IGSF5: variants seen among roughly 807,000 people sequenced by gnomAD.
IGSF5 encodes immunoglobulin superfamily member 5.
IGSF5 carries 41 observed loss-of-function variants against 39.4 expected under a neutral mutation model. That is an observed-to-expected ratio of 1.04 (90% CI 0.81 to 1.35). IGSF5 has a LOEUF of 1.35. Ranked by LOEUF, IGSF5 falls within the 40% of genes most tolerant of loss-of-function variation. The pLI is 0.00. For synonymous variants in IGSF5, 183 were observed against 175.3 expected, an observed-to-expected ratio of 1.04 and a Z score of -0.34; for missense variants, 487 against 494.6, an observed-to-expected ratio of 0.98 and a Z score of 0.15.
chr21:39,712,273 G>C, the IGSF5 span, among the ~76,000 whole-genome samples: 10 of 152,186 alleles, frequency 6.6e-5, no homozygotes, highest in Non-Finnish European at 1.0e-4. Context: ...GGATGTGATA[G>C]GACTGGTGAA....
At chr21:39,718,973 C>T in the IGSF5 span, among the ~76,000 whole-genome samples, 2 of 152,130 alleles carry the variant, frequency 1.3e-5, no homozygotes, top group African/African-American at 4.8e-5. Context: ...GAATTCATCA[C>T]ATCCTGGGCT....
chr21:39,799,642 G>A lies in IGSF5; in HGVS notation c.1129-1620G>A, dbSNP rs568633658. Among the ~76,000 whole-genome samples, 8 of 151,968 alleles carry A rather than the reference G, an allele frequency of 5.3e-5. No individual in the cohort carries two copies. The South Asian group carries it at 1.3e-3, about 24-fold the overall frequency. ...TTGTACCTCGTGTCCCTGCTCCACC[G>A]GCCTTGCTGCAAAGCACAGAGAAGA... On this transcript the variant is annotated intron_variant, in intron 8 of 8. Transcript: ENST00000380588.
chr21:39,714,395 A>G, the IGSF5 span, among the ~76,000 whole-genome samples: 11 of 152,248 alleles, frequency 7.2e-5, no homozygotes, highest in African/African-American at 2.7e-4. Context: ...GAAGGCAAAC[A>G]TAAGTTTTTG....
the IGSF5 span, among the ~76,000 whole-genome samples, chr21:39,739,250 TGC>T: frequency 6.7e-6 from 1 of 149,344 alleles, no homozygotes; most frequent in African/African-American, 2.5e-5. Flanking sequence ...TTTTTTCTTC[TGC>T]TTTTTTTTTT....
chr21:39,791,120 T>C (rs1360651397), intron 6 of IGSF5, among the ~76,000 whole-genome samples: 4 of 152,166 alleles, frequency 2.6e-5, no homozygotes, highest in Admixed American at 2.6e-4. Context: ...AGGTAGCGTA[T>C]CTTCAGCTTT....
At chr21:39,758,492 G>A (rs2146275648) in intron 2 of IGSF5, among the ~76,000 whole-genome samples, 1 of 152,258 alleles carries the variant, frequency 6.6e-6, no homozygotes, top group Non-Finnish European at 1.5e-5. Flanking sequence ...ACCTGACTCA[G>A]AAATCACCTC....
chr21:39,793,164 T>G (rs1359913168), intron 7 of IGSF5, among the ~76,000 whole-genome samples: 1 of 152,194 alleles, frequency 6.6e-6, no homozygotes, highest in East Asian at 1.9e-4. Context: ...CATTAGTATT[T>G]TGAGCAATTG....
chr21:39,750,510 G>A (rs392232), intron 2 of IGSF5, among the ~76,000 whole-genome samples: 114,180 of 138,322 alleles, frequency 0.83, 46,694 homozygotes, highest in Admixed American at 0.86. Context: ...ACTGTCTCCA[G>A]AAAAAAAAAA....
chr21:39,760,662 A>C (rs2080056955), intron 2 of IGSF5, among the ~76,000 whole-genome samples: 1 of 151,908 alleles, frequency 6.6e-6, no homozygotes, highest in Admixed American at 6.6e-5. Context: ...CCTCCGCCTC[A>C]CATGTTAAAG....
chr21:39,742,476 G>A (rs918394316), upstream of IGSF5, among the ~76,000 whole-genome samples: 1 of 152,236 alleles, frequency 6.6e-6, no homozygotes. Flanking sequence ...CTGGGGCTCT[G>A]TGAGGGTGAT....
chr21:39,731,768 G>A, the IGSF5 span, among the ~76,000 whole-genome samples: 1 of 152,106 alleles, frequency 6.6e-6, no homozygotes, highest in African/African-American at 2.4e-5. Flanking sequence ...CCTTGATGTT[G>A]GCCTTATGAG....
the IGSF5 span, among the ~76,000 whole-genome samples, chr21:39,720,116 G>T: frequency 9.9e-3 from 1,509 of 152,266 alleles, 15 homozygotes; most frequent in Non-Finnish European, 0.017. Flanking sequence ...CCACAGACCT[G>T]AGGTGAGGGA....
chr21:39,793,137 G>A lies in IGSF5; in HGVS notation c.1049-397G>A, dbSNP rs560523747. Among the ~76,000 whole-genome samples the A allele has an allele frequency of 2.6e-4, 39 of 152,234 alleles. 1 individual carries two copies. The highest frequency in any genetic ancestry group is 8.9e-4 in the African/African-American group (37 of 41,548). On this transcript the variant is annotated intron_variant, in intron 7 of 8. Transcript: ENST00000380588. ...TGACCACAGCTTCTTGCAGGTTCCT[G>A]TGAGTGAATATTTATTCATTAGTAT...
At chr21:39,750,508 CAGAA>C (rs748889550) in intron 2 of IGSF5, among the ~76,000 whole-genome samples, 2 of 123,730 alleles carry the variant, frequency 1.6e-5, no homozygotes, top group Admixed American at 8.4e-5. Context: ...ACACTGTCTC[CAGAA>C]AAAAAAAAAA....
intron 3 of IGSF5, among the ~76,000 whole-genome samples, chr21:39,769,654 CTA>C (rs1464706979): frequency 6.6e-6 from 1 of 151,958 alleles, no homozygotes; most frequent in Non-Finnish European, 1.5e-5. Flanking sequence ...GAAGAGACAG[CTA>C]TGAGAATCCA....
At chr21:39,796,530 C>G (rs536327016) in intron 8 of IGSF5, among the ~76,000 whole-genome samples, 2 of 152,202 alleles carry the variant, frequency 1.3e-5, no homozygotes, top group Non-Finnish European at 2.9e-5. Flanking sequence ...TTCAGAGTCC[C>G]GTCTCAGTTT....
chr21:39,798,673 C>T (rs895846437), intron 8 of IGSF5, among the ~76,000 whole-genome samples: 2 of 152,132 alleles, frequency 1.3e-5, no homozygotes, highest in Non-Finnish European at 2.9e-5. Flanking sequence ...TAATAACATC[C>T]AACAGTTAGT....
the IGSF5 span, among the ~76,000 whole-genome samples, chr21:39,728,577 G>C: frequency 6.6e-6 from 1 of 152,150 alleles, no homozygotes; most frequent in Non-Finnish European, 1.5e-5. Context: ...GCAGCCTCAG[G>C]AGATGACGCA....
upstream of IGSF5, among the ~76,000 whole-genome samples, chr21:39,741,129 G>A (rs376371582): frequency 1.4e-4 from 22 of 152,002 alleles, 1 homozygote; most frequent in African/African-American, 5.3e-4. Flanking sequence ...TGTGACATAT[G>A]AGGAAAAGTC....
Sources: gnomAD v4.1 joint callset for allele counts (sites outside exome capture counted in the v4.1 genomes callset) on GRCh38, gnomAD v4.1.1 for gene constraint, MANE v1.5 for transcripts, NCBI Gene and HGNC (gene_info 2026-07-23, HGNC 2026-07-21) for gene names.